Variants in PLPPR1 observed in about 807,000 individuals in gnomAD.
PLPPR1 encodes phospholipid phosphatase-related protein type 1.
In PLPPR1, 10 loss-of-function variants were observed where a neutral mutation model predicts 33.1. The ratio of observed to expected loss-of-function variants is 0.30; its 90% CI spans 0.19 to 0.51. The LOEUF (loss-of-function observed/expected upper bound fraction) is 0.51, where lower values mean the gene tolerates loss of function less well. Ranked by LOEUF, PLPPR1 falls within the 20% of genes least tolerant of loss-of-function variation. The pLI is 0.97. For synonymous variants in PLPPR1, 151 were observed against 151.0 expected (o/e 1.00, Z 0.00); for missense variants, 304 against 408.1 (o/e 0.74, Z 2.20).
intron 4 of PLPPR1, among the ~76,000 whole-genome samples, chr9:101,290,451 A>G (rs753535123): frequency 4.6e-5 from 7 of 152,226 alleles, no homozygotes; most frequent in Non-Finnish European, 8.8e-5. Flanking sequence ...ATAAGGCTTT[A>G]TGCTGTAAAA....
intron 2 of PLPPR1, among the ~76,000 whole-genome samples, chr9:101,249,627 G>C (rs774153249): frequency 6.6e-6 from 1 of 152,040 alleles, no homozygotes; most frequent in African/African-American, 2.4e-5. Context: ...GCCCGGTTAG[G>C]TGTGGAAAAG....
chr9:101,270,086 C>T lies in PLPPR1; in HGVS notation c.252+18C>T, dbSNP rs1231478553. The T allele has an allele frequency of 6.2e-7, 1 of 1,611,920 alleles. No individual in the cohort carries two copies. Among genetic ancestry groups the T allele is most frequent in the Non-Finnish European group, 8.5e-7 (1 of 1,178,054 alleles). On this transcript the variant is annotated intron_variant, in intron 3 of 7. Transcript: ENST00000374874. Reference sequence around the variant, plus strand: ...CTGCTATTGTAAGTACAGAAATAGACTTTCCTCTTTATTGTCAGATACCCA... The same window carrying T: ...CTGCTATTGTAAGTACAGAAATAGATTTTCCTCTTTATTGTCAGATACCCA...
intron 1 of PLPPR1, among the ~76,000 whole-genome samples, chr9:101,175,245 C>T (rs1230602490): frequency 6.6e-6 from 1 of 152,096 alleles, no homozygotes; most frequent in African/African-American, 2.4e-5. Context: ...ACTAGGGCTG[C>T]ATTATTATTT....
chr9:101,200,837 T>G (rs1301934782), intron 2 of PLPPR1, among the ~76,000 whole-genome samples: 1 of 152,208 alleles, frequency 6.6e-6, no homozygotes, highest in Non-Finnish European at 1.5e-5. Context: ...TCATTAATTT[T>G]CTTTTGATAG....
chr9:101,073,214 A>G (rs978902847), intron 1 of PLPPR1, among the ~76,000 whole-genome samples: 4 of 152,162 alleles, frequency 2.6e-5, no homozygotes, highest in Non-Finnish European at 5.9e-5. Context: ...GGAACTTCCA[A>G]CTGAATTGTA....
chr9:101,070,640 G>T (rs1317300682), intron 1 of PLPPR1, among the ~76,000 whole-genome samples: 1 of 151,958 alleles, frequency 6.6e-6, no homozygotes, highest in Admixed American at 6.6e-5. Flanking sequence ...CTCAATAACG[G>T]CCTACCCTGG....
chr9:101,075,806 T>C (rs1336117543), intron 1 of PLPPR1, among the ~76,000 whole-genome samples: 1 of 151,924 alleles, frequency 6.6e-6, no homozygotes, highest in Non-Finnish European at 1.5e-5. Flanking sequence ...GAAAATAAAA[T>C]AGGACAGTGG....
At chr9:101,212,371 C>G (rs112990787) in intron 2 of PLPPR1, among the ~76,000 whole-genome samples, 4 of 152,156 alleles carry the variant, frequency 2.6e-5, no homozygotes, top group Admixed American at 6.5e-5. Flanking sequence ...TCATGGGCCA[C>G]CACTCCCGGC....
rs1402656384 is a variant in PLPPR1, at chr9:101,222,399, G to A, written c.63+36842G>A. 3.9e-5 allele frequency among the ~76,000 whole-genome samples: 6 copies of A among 152,318 alleles called. No individual in the cohort carries two copies. The South Asian group carries it at 8.3e-4, about 21-fold the overall frequency. ...GTTCTACAGATAGTCTAGAGCAGGA[G>A]TCCTCAAATTGGGTTCTGCAGAGGG... On this transcript the variant is annotated intron_variant, in intron 2 of 7. Transcript: ENST00000374874.
chr9:101,322,435 T>C (rs536753848), intron 7 of PLPPR1: 1 of 152,048 alleles, frequency 6.6e-6, no homozygotes, highest in Non-Finnish European at 1.5e-5. Flanking sequence ...CTGGAGCAGT[T>C]ACTATCTGCT....
chr9:101,166,929 T>G (rs1825866347), intron 1 of PLPPR1, among the ~76,000 whole-genome samples: 1 of 151,622 alleles, frequency 6.6e-6, no homozygotes, highest in Admixed American at 6.6e-5. Context: ...TTCTCTCACT[T>G]CTTTTTCCTG....
chr9:101,263,254 C>A (rs970950542), intron 2 of PLPPR1, among the ~76,000 whole-genome samples: 1 of 152,204 alleles, frequency 6.6e-6, no homozygotes, highest in African/African-American at 2.4e-5. Context: ...AAAGGAAGAA[C>A]TCCTGTCTGG....
At chr9:101,079,429 G>C (rs113733860) in intron 1 of PLPPR1, among the ~76,000 whole-genome samples, 3,839 of 152,138 alleles carry the variant, frequency 0.025, 83 homozygotes, top group East Asian at 0.082. Flanking sequence ...TTGTTGTTGT[G>C]TGTTTTGTTT....
intron 2 of PLPPR1, among the ~76,000 whole-genome samples, chr9:101,216,724 T>A (rs1826803123): frequency 6.6e-6 from 1 of 152,216 alleles, no homozygotes; most frequent in Non-Finnish European, 1.5e-5. Flanking sequence ...CATTGATATT[T>A]GGGGCCAGAT....
At position 101,129,569 on chromosome 9, in the gene PLPPR1, C is replaced by T. The variant is rs559245473; in HGVS notation, c.-45-55881C>T. On this transcript the variant is annotated intron_variant, in intron 1 of 7. Transcript: ENST00000374874. ...GGAAAAAGCTGGGTGCAGTGTCTCACGCCTGTAATCCCAGCACTTTGGGAG... is the reference window on the plus strand; with the variant it reads ...GGAAAAAGCTGGGTGCAGTGTCTCATGCCTGTAATCCCAGCACTTTGGGAG... 2.6e-5 allele frequency among the ~76,000 whole-genome samples: 4 copies of T among 152,298 alleles called. No individual in the cohort carries two copies. The South Asian group carries it at 6.2e-4, about 24-fold the overall frequency.
intron 2 of PLPPR1, among the ~76,000 whole-genome samples, chr9:101,194,601 A>G (rs1326255393): frequency 1.3e-5 from 2 of 152,078 alleles, no homozygotes; most frequent in African/African-American, 2.4e-5. Context: ...AATACAAAAA[A>G]TTAGCCAGGC....
chr9:101,281,724 T>A (rs1194163990), intron 3 of PLPPR1, among the ~76,000 whole-genome samples: 3 of 152,038 alleles, frequency 2.0e-5, no homozygotes, highest in African/African-American at 7.2e-5. Context: ...ATTCAAAGAT[T>A]CAAAATCAGA....
At chr9:101,310,046 C>G (rs367942056) in intron 5 of PLPPR1, among the ~76,000 whole-genome samples, 59 of 152,326 alleles carry the variant, frequency 3.9e-4, no homozygotes, top group African/African-American at 1.4e-3. Context: ...TCCCCCAGAT[C>G]GCACAGCCAT....
intron 2 of PLPPR1, among the ~76,000 whole-genome samples, chr9:101,219,259 C>T (rs1034919358): frequency 6.6e-6 from 1 of 152,222 alleles, no homozygotes; most frequent in Admixed American, 6.5e-5. Flanking sequence ...AGTTGGGTTA[C>T]TTTAAGCAAT....
Sources: gnomAD v4.1 joint callset for allele counts (sites outside exome capture counted in the v4.1 genomes callset) on GRCh38, gnomAD v4.1.1 for gene constraint, MANE v1.5 for transcripts, NCBI Gene and HGNC (gene_info 2026-07-23, HGNC 2026-07-21) for gene names.